The following NPSR1 variants were observed in gnomAD, a reference collection of about 807,000 sequenced individuals.
NPSR1 encodes neuropeptide S receptor 1.
A neutral mutation model predicts 46.9 loss-of-function variants in NPSR1; 48 were observed. That is an observed-to-expected ratio of 1.02 (90% CI 0.81 to 1.30). The LOEUF (loss-of-function observed/expected upper bound fraction) is 1.30. Among genes scored for constraint, NPSR1 ranks in the 50% most tolerant of loss-of-function variants. The pLI, the probability that NPSR1 is intolerant of heterozygous loss-of-function variation, is 0.00. For synonymous variants in NPSR1, 176 were observed against 168.1 expected (o/e 1.05, Z -0.36); for missense variants, 450 against 449.5 (o/e 1.00, Z -0.01).
chr7:34,842,939 T>A (rs1790622887), intron 6 of NPSR1, among the ~76,000 whole-genome samples: 1 of 152,246 alleles, frequency 6.6e-6, no homozygotes, highest in Admixed American at 6.5e-5. Context: ...TGACTCACTG[T>A]GGTTAAAACG....
At chr7:34,738,114 T>C (rs1364437306) in intron 2 of NPSR1, among the ~76,000 whole-genome samples, 1 of 152,212 alleles carries the variant, frequency 6.6e-6, no homozygotes, top group South Asian at 2.1e-4. Context: ...GGAGAGAGCA[T>C]TTTTGGAGGC....
At chr7:34,703,711 T>G (rs1431555695) in intron 2 of NPSR1, 10 of 152,650 alleles carry the variant, frequency 6.6e-5, no homozygotes, top group Admixed American at 6.5e-4. Context: ...GCCACTATTT[T>G]GGCACATTCT....
intron 2 of NPSR1, among the ~76,000 whole-genome samples, chr7:34,688,430 C>T (rs1281285434): frequency 6.6e-6 from 1 of 152,150 alleles, no homozygotes; most frequent in Non-Finnish European, 1.5e-5. Flanking sequence ...TTAGAAGCTA[C>T]AAAATAAGAT....
At chr7:34,751,300 T>C (rs1785510356) in intron 2 of NPSR1, 3 of 966,612 alleles carry the variant, frequency 3.1e-6, no homozygotes, top group Non-Finnish European at 5.1e-6. Context: ...AGGCTGGGAG[T>C]TGCAGAAAGT....
At chr7:34,798,159 T>C (rs563497821) in intron 3 of NPSR1, among the ~76,000 whole-genome samples, 49 of 152,298 alleles carry the variant, frequency 3.2e-4, no homozygotes, top group African/African-American at 1.1e-3. Context: ...CTATAGATAG[T>C]TGCTCGACAC....
At chr7:34,765,275 T>C (rs1786374988) in intron 2 of NPSR1, among the ~76,000 whole-genome samples, 1 of 152,116 alleles carries the variant, frequency 6.6e-6, no homozygotes, top group Non-Finnish European at 1.5e-5. Context: ...AAAAAGAAAA[T>C]GCAACCCACT....
At chr7:34,707,920 G>T (rs1165274276) in intron 2 of NPSR1, among the ~76,000 whole-genome samples, 1 of 152,100 alleles carries the variant, frequency 6.6e-6, no homozygotes, top group East Asian at 1.9e-4. Flanking sequence ...TTATTTTGAG[G>T]CCTTTCTCAT....
intron 2 of NPSR1, among the ~76,000 whole-genome samples, chr7:34,776,337 C>T (rs554930640): frequency 6.6e-6 from 1 of 152,224 alleles, no homozygotes; most frequent in African/African-American, 2.4e-5. Flanking sequence ...GTCTATATCT[C>T]TCTTTAGCTC....
intron 3 of NPSR1, chr7:34,779,587 A>G: frequency 7.8e-7 from 1 of 1,281,524 alleles, no homozygotes; most frequent in South Asian, 2.3e-5. Context: ...TGAATATGGA[A>G]TAGTTACAAT....
chr7:34,870,430 A>C (rs1420234134), intron 8 of NPSR1, among the ~76,000 whole-genome samples: 2 of 152,006 alleles, frequency 1.3e-5, no homozygotes, highest in Non-Finnish European at 2.9e-5. Context: ...AAAGGAATCA[A>C]GTATGAGGTT....
intron 2 of NPSR1, among the ~76,000 whole-genome samples, chr7:34,716,694 G>A (rs1240797919): frequency 6.6e-6 from 1 of 152,014 alleles, no homozygotes; most frequent in Non-Finnish European, 1.5e-5. Context: ...TAAACCGCTG[G>A]CCAGGTATCC....
At chr7:34,753,482 A>G (rs1785650918) in intron 2 of NPSR1, 1 of 152,206 alleles carries the variant, frequency 6.6e-6, no homozygotes, top group Admixed American at 6.6e-5. Context: ...AGGTGGGAGT[A>G]TCACTTGAGC....
At chr7:34,847,617 T>C (rs566669297) in intron 7 of NPSR1, among the ~76,000 whole-genome samples, 127 of 152,302 alleles carry the variant, frequency 8.3e-4, no homozygotes, top group African/African-American at 2.9e-3. Flanking sequence ...ACCAACGTCC[T>C]AGCTCGAAGA....
intron 4 of NPSR1, among the ~76,000 whole-genome samples, chr7:34,823,367 T>C (rs1400485860): frequency 7.7e-6 from 1 of 129,306 alleles, no homozygotes; most frequent in African/African-American, 3.0e-5. Flanking sequence ...ACTCTAGCCC[T>C]CTAGCATTGG....
chr7:34,827,644 G>T (rs201624729), intron 5 of NPSR1, 42 bp downstream of exon 5: 4 of 516,150 alleles, frequency 7.7e-6, no homozygotes, highest in Non-Finnish European at 1.2e-5. Flanking sequence ...GGGGTGGGGC[G>T]GGGGGGGCTT....
rs564776927 is a variant in NPSR1, at chr7:34,660,149, A to T, written c.147+1590A>T. The T allele has an allele frequency of 2.2e-5, 10 of 456,770 alleles. No homozygotes were observed. The East Asian group carries it at 5.6e-4, about 25-fold the overall frequency. The allele number at this position is 456,770 out of a possible 1,614,324, so 28.3% of individuals were successfully genotyped here. A position where few individuals can be genotyped will look rare whatever the true frequency, so the allele number is the denominator to read the frequency against. On this transcript the variant is annotated intron_variant, in intron 1 of 8. Transcript: ENST00000360581. ...AACATCATCGCCAGACACTAAAGAG[A>T]ATCACAGCATCTCTAGCTGATTCCT...
downstream of NPSR1, among the ~76,000 whole-genome samples, chr7:34,850,480 G>A (rs569675159): frequency 9.6e-4 from 141 of 147,494 alleles, no homozygotes; most frequent in African/African-American, 3.4e-3. Flanking sequence ...GGCTCACTGC[G>A]AGCTCCACCT....
intron 3 of NPSR1, among the ~76,000 whole-genome samples, chr7:34,801,915 C>T (rs1404635927): frequency 6.7e-6 from 1 of 149,908 alleles, no homozygotes; most frequent in Non-Finnish European, 1.5e-5. Flanking sequence ...TTCTTATACA[C>T]CAATAACAGA....
At chr7:34,692,714 C>T (rs1005715749) in intron 2 of NPSR1, among the ~76,000 whole-genome samples, 1 of 151,926 alleles carries the variant, frequency 6.6e-6, no homozygotes, top group Non-Finnish European at 1.5e-5. Flanking sequence ...GATCAGAGCA[C>T]AATGACATGA....
Sources: allele counts gnomAD v4.1 joint callset (sites outside exome capture counted in the v4.1 genomes callset), GRCh38; gene constraint gnomAD v4.1.1; transcripts MANE v1.5; gene names NCBI Gene and HGNC (gene_info 2026-07-23, HGNC 2026-07-21).